Variants in KTN1 observed in about 807,000 individuals in gnomAD.
KTN1 encodes kinectin.
Under a neutral mutation model 222.5 loss-of-function variants are expected in KTN1, and 130 were observed. That is an observed-to-expected ratio of 0.58 (90% CI 0.51 to 0.68). The LOEUF (loss-of-function observed/expected upper bound fraction) is 0.68. KTN1 is among the 30% of genes least tolerant of loss of function. The probability of loss-of-function intolerance (pLI) is 0.00; values close to 1 mark genes in which losing one functional copy is unlikely to be tolerated. For synonymous variants in KTN1, 512 were observed against 496.3 expected (o/e 1.03, Z -0.42); for missense variants, 1,508 against 1,500.4 (o/e 1.01, Z -0.08).
intron 21 of KTN1, 119 bp downstream of exon 21, chr14:55,648,989 A>G: frequency 1.5e-6 from 1 of 675,360 alleles, no homozygotes; most frequent in Middle Eastern, 4.1e-4. Flanking sequence ...GCAGTGGTAC[A>G]ATCATAACTC....
At chr14:55,584,841 A>G (rs2032608130) in intron 1 of KTN1, among the ~76,000 whole-genome samples, 1 of 152,188 alleles carries the variant, frequency 6.6e-6, no homozygotes, top group African/African-American at 2.4e-5. Flanking sequence ...GAACACAATA[A>G]TTAAATCCTG....
In KTN1 at chr14:55,653,103, T is replaced by G; in HGVS notation, c.2763+18T>G. 7.0e-7 allele frequency: 1 copy of G among 1,430,872 alleles called. No individual in the cohort carries two copies. The highest frequency in any genetic ancestry group is 9.8e-7 in the Non-Finnish European group (1 of 1,020,430). 88.6% of individuals were successfully genotyped at this position (1,430,872 alleles called of 1,614,324 possible). ...TGAAAGAGGTATAGTATAAACAAAT[T>G]ACCAACATGTTACATAAGGAATGAT... On this transcript the variant is annotated intron_variant, in intron 27 of 43. Transcript: ENST00000395314.
intron 5 of KTN1, among the ~76,000 whole-genome samples, chr14:55,627,054 G>A (rs771771201): frequency 2.6e-5 from 4 of 152,126 alleles, no homozygotes; most frequent in African/African-American, 7.2e-5. Context: ...TGACAGGGTC[G>A]TGGAGCATCT....
At position 55,684,210 on chromosome 14, in the gene KTN1, T is replaced by G; in HGVS notation, c.*107T>G. On this transcript the variant is annotated 3_prime_UTR_variant, in exon 44 of 44. Coordinates refer to ENST00000395314, the MANE Select transcript of KTN1 (RefSeq NM_001079521.2). ...ACCCTTTCTACTTTGTCAGAAACAC[T>G]GAACAGAGTTTTGTCTTTTCTAATC... 2 of 836,878 alleles carry G rather than the reference T, an allele frequency of 2.4e-6. No individual in the cohort carries two copies. Among genetic ancestry groups the G allele is most frequent in the East Asian group, 2.7e-5 (1 of 36,664 alleles). 51.8% of individuals were successfully genotyped at this position (836,878 alleles called of 1,614,324 possible).
chr14:55,623,776 A>T (rs2039459200), intron 5 of KTN1, among the ~76,000 whole-genome samples: 1 of 152,270 alleles, frequency 6.6e-6, no homozygotes, highest in Non-Finnish European at 1.5e-5. Context: ...AAAAGCTCCT[A>T]GCAGGGAAGA....
At chr14:55,617,128 G>A (rs191737106) in intron 3 of KTN1, among the ~76,000 whole-genome samples, 191 of 152,148 alleles carry the variant, frequency 1.3e-3, no homozygotes, top group Non-Finnish European at 2.2e-3. Context: ...AGTTTTCCAG[G>A]GAAAGCTTGG....
chr14:55,679,693 C>T lies in KTN1; in HGVS notation c.4069+8C>T, dbSNP rs745851172. The T allele has an allele frequency of 3.7e-6, 6 of 1,613,208 alleles. No individual in the cohort carries two copies. In the South Asian group the frequency reaches 5.5e-5, roughly 15 times the overall value. ...AGCACTACCAGGTGTTAGGTAAGGA[C>T]AACTGAAATATTGCTGTCTATGGGT... On this transcript the variant is annotated splice_region_variant and intron_variant, in intron 43 of 43. Transcript: ENST00000395314.
At chr14:55,680,613 G>C in intron 43 of KTN1, 1 of 801,640 alleles carries the variant, frequency 1.2e-6, no homozygotes, top group Non-Finnish European at 2.0e-6. Context: ...GCCTCAGGGA[G>C]AGCTTAGGTA....
chr14:55,637,093 A>C (rs1321712520), intron 10 of KTN1, 105 bp from the exon 11 acceptor site: 1 of 729,082 alleles, frequency 1.4e-6, no homozygotes, highest in Non-Finnish European at 2.2e-6. Context: ...GAAGCAGGAG[A>C]GATTCAAAGA....
At chr14:55,598,587 C>G (rs1413517722) in intron 1 of KTN1, among the ~76,000 whole-genome samples, 1 of 151,466 alleles carries the variant, frequency 6.6e-6, no homozygotes, top group African/African-American at 2.4e-5. Context: ...TAATGTTGAT[C>G]AGTTTTGTTT....
intron 43 of KTN1, chr14:55,681,387 C>G (rs35535838): frequency 0.25 from 38,339 of 152,100 alleles, 4,902 homozygotes; most frequent in East Asian, 0.33. Flanking sequence ...GCGATATTCT[C>G]TCTTTAGCAT....
chr14:55,608,949 GT>G, intron 1 of KTN1, among the ~76,000 whole-genome samples: 1 of 151,424 alleles, frequency 6.6e-6, no homozygotes, highest in Non-Finnish European at 1.5e-5. Context: ...CTTTCTATAT[GT>G]TTTTTTCTTG....
chr14:55,624,738 G>T (rs891374111), intron 5 of KTN1, among the ~76,000 whole-genome samples: 3 of 152,186 alleles, frequency 2.0e-5, no homozygotes, highest in Admixed American at 2.0e-4. Flanking sequence ...GAAGAGGAGC[G>T]AAGTGGTGGG....
At chr14:55,607,434 A>C (rs190486045) in intron 1 of KTN1, 5 of 150,408 alleles carry the variant, frequency 3.3e-5, no homozygotes, top group African/African-American at 1.2e-4. Flanking sequence ...GGGAATCCAG[A>C]AACCTGGAGA....
At chr14:55,619,371 C>G (rs990205311) in intron 5 of KTN1, 59 bp downstream of exon 5, 3 of 1,552,326 alleles carry the variant, frequency 1.9e-6, no homozygotes, top group South Asian at 1.1e-5. Flanking sequence ...GTTCACCAAA[C>G]AAGACTTTAG....
At chr14:55,585,506 G>C (rs2032800537) in intron 1 of KTN1, among the ~76,000 whole-genome samples, 1 of 151,832 alleles carries the variant, frequency 6.6e-6, no homozygotes, top group South Asian at 2.1e-4. Context: ...TCCTTTCATA[G>C]ATTGTACTCT....
chr14:55,647,425 A>C (rs2042475585), intron 19 of KTN1, among the ~76,000 whole-genome samples: 1 of 151,330 alleles, frequency 6.6e-6, no homozygotes, highest in African/African-American at 2.4e-5. Context: ...ACCTGAGGTC[A>C]GGGGTTTGAA....
chr14:55,624,445 T>G (rs560551003), intron 5 of KTN1, among the ~76,000 whole-genome samples: 2 of 152,190 alleles, frequency 1.3e-5, no homozygotes, highest in African/African-American at 4.8e-5. Flanking sequence ...GTGGTTTTTG[T>G]GAACACTTTG....
At chr14:55,657,925 A>G (rs1209657656) in intron 29 of KTN1, among the ~76,000 whole-genome samples, 1 of 152,084 alleles carries the variant, frequency 6.6e-6, no homozygotes, top group African/African-American at 2.4e-5. Context: ...TAAAAAAAAA[A>G]AATTACATTT....
Sources: allele counts gnomAD v4.1 joint callset (sites outside exome capture counted in the v4.1 genomes callset), GRCh38; gene constraint gnomAD v4.1.1; transcripts MANE v1.5; gene names NCBI Gene and HGNC (gene_info 2026-07-23, HGNC 2026-07-21).